The following GALK2 variants were observed in gnomAD, a reference collection of about 807,000 sequenced individuals.
GALK2 encodes the protein galactokinase 2.
GALK2 carries 36 observed loss-of-function variants against 52.4 expected under a neutral mutation model. The ratio of observed to expected loss-of-function variants is 0.69; its 90% CI spans 0.53 to 0.91. The LOEUF (loss-of-function observed/expected upper bound fraction) is 0.91. GALK2 is among the 40% of genes least tolerant of loss of function. The pLI, the probability that GALK2 is intolerant of heterozygous loss-of-function variation, is 0.00. For synonymous variants in GALK2, 176 were observed against 199.1 expected (o/e 0.88, Z 0.98); for missense variants, 579 against 559.1 (o/e 1.04, Z -0.36).
At chr15:49,293,864 C>G (rs944780689) in intron 8 of GALK2, among the ~76,000 whole-genome samples, 2 of 151,908 alleles carry the variant, frequency 1.3e-5, no homozygotes, top group Non-Finnish European at 2.9e-5. Flanking sequence ...CTTTGGGAAG[C>G]CGAGGTGGGT....
chr15:49,233,329 A>G (rs1343730877), intron 3 of GALK2, among the ~76,000 whole-genome samples: 1 of 152,076 alleles, frequency 6.6e-6, no homozygotes, highest in Non-Finnish European at 1.5e-5. Flanking sequence ...AACAATACCA[A>G]AGGGGGAAAT....
At chr15:49,170,767 A>C (rs1262165857) in intron 1 of GALK2, among the ~76,000 whole-genome samples, 1 of 152,078 alleles carries the variant, frequency 6.6e-6, no homozygotes, top group Non-Finnish European at 1.5e-5. Context: ...ACAAACACAA[A>C]AACCTTCTTG....
At chr15:49,182,022 T>C (rs1452969530) in intron 1 of GALK2, among the ~76,000 whole-genome samples, 1 of 152,164 alleles carries the variant, frequency 6.6e-6, no homozygotes, top group African/African-American at 2.4e-5. Context: ...CTTTTAGTTA[T>C]TATAAAATGT....
chr15:49,170,179 C>T (rs990139582), upstream of GALK2: 9 of 1,469,256 alleles, frequency 6.1e-6, no homozygotes, highest in Admixed American at 2.1e-4. Context: ...AAGCAGCCAC[C>T]TCAGCGAAGC....
Position 49,328,002 on chromosome 15 carries a change from G to A in GALK2, c.1220G>A (p.Cys407Tyr), listed in dbSNP as rs777379469. ...SRLTGAGWGGCTVSMVPADKL... is the reference protein window; with the variant it reads ...SRLTGAGWGGYTVSMVPADKL... ...CTTACTGGAGCAGGATGGGGAGGCT[G>A]CACAGTATCAATGGTACCTGCGGAC... The change falls in exon 10 of 10, where the codon TGC becomes TAC. Residue 407 changes from cysteine to tyrosine, a missense_variant. Cys to Tyr is a radical substitution (Grantham distance 194). Coordinates refer to ENST00000560031, the MANE Select transcript of GALK2 (RefSeq NM_002044.4). 1 of 1,613,912 alleles carries A rather than the reference G, an allele frequency of 6.2e-7. No homozygotes were observed. The highest frequency in any genetic ancestry group is 8.5e-7 in the Non-Finnish European group (1 of 1,179,832).
chr15:49,181,231 G>T (rs2085945900), intron 1 of GALK2, among the ~76,000 whole-genome samples: 1 of 151,548 alleles, frequency 6.6e-6, no homozygotes, highest in African/African-American at 2.4e-5. Context: ...AGCCTCCTGA[G>T]TAGCTAGGAC....
Position 49,319,599 on chromosome 15 carries a change from C to G in GALK2, c.968-5C>G. The G allele has an allele frequency of 6.2e-7, 1 of 1,613,914 alleles. No homozygotes were observed. The highest frequency in any genetic ancestry group is 1.3e-5 in the African/African-American group (1 of 75,042). On this transcript the variant is annotated splice_polypyrimidine_tract_variant and splice_region_variant and intron_variant, in intron 8 of 9. Transcript: ENST00000560031. ...ACCTCCTTCCCCATCCTCTTCCTTC[C>G]TCAGTGCTCATCTTCAAACTCTATC...
At chr15:49,168,320 C>A (rs536206303), upstream of GALK2, among the ~76,000 whole-genome samples, 2 of 151,540 alleles carry the variant, frequency 1.3e-5, no homozygotes, top group African/African-American at 4.9e-5. Context: ...TTTTTTTTAA[C>A]CCTGTATAAA....
At position 49,292,417 on chromosome 15, in the gene GALK2, C is replaced by T; in HGVS notation, c.847C>T (p.Leu283=). 2 of 1,613,964 alleles carry T rather than the reference C, an allele frequency of 1.2e-6. No homozygotes were observed. The highest frequency in any genetic ancestry group is 1.7e-6 in the Non-Finnish European group (2 of 1,179,894). The stretch of plus-strand genomic sequence containing the variant: ...ACTAGGGATTAGTCTAGAAGAAATG[C>T]TGTTGGTCACAGAAGATGCCCTTCA... The part of the protein sequence containing the change: ...AKLGISLEEM[L]LVTEDALHPE... Residue 283 remains leucine (L), a synonymous_variant, in exon 8 of 10, where the codon CTG becomes TTG. Coordinates refer to ENST00000560031, the MANE Select transcript of GALK2 (RefSeq NM_002044.4).
In GALK2 at chr15:49,329,900, T is replaced by C. The variant is rs2038293605; in HGVS notation, c.*1741T>C. ...CTTCTTCACAAAAGGTGAGTAAAAA[T>C]TTCCAATGTGCACTCTTCTTTGGGG... On this transcript the variant is annotated 3_prime_UTR_variant, in exon 10 of 10. Coordinates refer to ENST00000560031, the MANE Select transcript of GALK2 (RefSeq NM_002044.4). The C allele has an allele frequency of 3.0e-6, 1 of 331,698 alleles. No homozygotes were observed. Among genetic ancestry groups the C allele is most frequent in the Non-Finnish European group, 4.3e-6 (1 of 232,816 alleles). 20.5% of individuals were successfully genotyped at this position (331,698 alleles called of 1,614,324 possible). A position where few individuals can be genotyped will look rare whatever the true frequency, so the allele number is the denominator to read the frequency against.
At chr15:49,217,776 A>G (rs1465474496) in intron 3 of GALK2, among the ~76,000 whole-genome samples, 5 of 152,214 alleles carry the variant, frequency 3.3e-5, no homozygotes, top group Non-Finnish European at 5.9e-5. Flanking sequence ...CTCTTCTTCA[A>G]TGCCCTAGCA....
chr15:49,190,418 A>G (rs2086650281), intron 1 of GALK2, among the ~76,000 whole-genome samples: 2 of 152,166 alleles, frequency 1.3e-5, no homozygotes, highest in East Asian at 1.9e-4. Context: ...ATTTTACTGT[A>G]TATGGGTGAG....
At chr15:49,291,177 T>C (rs539887285) in intron 7 of GALK2, among the ~76,000 whole-genome samples, 1 of 152,074 alleles carries the variant, frequency 6.6e-6, no homozygotes, top group South Asian at 2.1e-4. Flanking sequence ...TTGCTTTTTG[T>C]TTTTTGTTTT....
intron 3 of GALK2, among the ~76,000 whole-genome samples, chr15:49,356,055 C>G (rs560137234): frequency 2.0e-5 from 3 of 150,022 alleles, no homozygotes; most frequent in Non-Finnish European, 4.4e-5. Flanking sequence ...GATTTTCTCA[C>G]CAACAGGCCT....
downstream of GALK2, chr15:49,335,276 C>A: frequency 1.7e-6 from 1 of 588,564 alleles, no homozygotes; most frequent in Non-Finnish European, 3.0e-6. Context: ...TGACACTTAC[C>A]TGAAAAGAAT....
chr15:49,335,221 T>C (rs1028145801), downstream of GALK2, among the ~76,000 whole-genome samples: 8 of 152,186 alleles, frequency 5.3e-5, no homozygotes, highest in Admixed American at 4.6e-4. Flanking sequence ...TCCTTTCTTC[T>C]GTCCCTCTCA....
At chr15:49,349,805 C>T (rs1020321377) in intron 3 of GALK2, among the ~76,000 whole-genome samples, 1 of 151,782 alleles carries the variant, frequency 6.6e-6, no homozygotes, top group African/African-American at 2.4e-5. Context: ...GTGTATGGAC[C>T]AAAACTCTGC....
At chr15:49,301,620 G>A (rs1278219517) in intron 8 of GALK2, among the ~76,000 whole-genome samples, 3 of 150,222 alleles carry the variant, frequency 2.0e-5, no homozygotes, top group African/African-American at 7.4e-5. Flanking sequence ...GGGTCAGTTG[G>A]TTTAGATTCT....
At chr15:49,217,079 T>C (rs2089438470) in intron 2 of GALK2, 111 bp from the exon 3 acceptor site, 1 of 830,496 alleles carries the variant, frequency 1.2e-6, no homozygotes, top group Admixed American at 2.7e-5. Context: ...TTTATTTTTA[T>C]TTACTGTTAA....
Sources: gnomAD v4.1 joint callset for allele counts (sites outside exome capture counted in the v4.1 genomes callset) on GRCh38, gnomAD v4.1.1 for gene constraint, MANE v1.5 for transcripts, NCBI Gene and HGNC (gene_info 2026-07-23, HGNC 2026-07-21) for gene names.